DLC1: variants seen among roughly 807,000 people sequenced by gnomAD.
DLC1 encodes DLC1 Rho GTPase activating protein, also known as rho GTPase-activating protein 7.
In DLC1, 54 loss-of-function variants were observed where a neutral mutation model predicts 140.3. The ratio of observed to expected loss-of-function variants is 0.38; its 90% confidence interval spans 0.31 to 0.48. DLC1 has a LOEUF of 0.48. DLC1 is among the 20% of genes least tolerant of loss of function. The pLI, the probability that DLC1 is intolerant of heterozygous loss-of-function variation, is 0.96. For synonymous variants in DLC1, 986 were observed against 728.1 expected, an observed-to-expected ratio of 1.35 and a Z score of -5.70; for missense variants, 2,536 against 1,907.0, an observed-to-expected ratio of 1.33 and a Z score of -6.14.
At chr8:13,475,141 GAGATC>G (rs1800382240) in intron 2 of DLC1, among the ~76,000 whole-genome samples, 1 of 151,958 alleles carries the variant, frequency 6.6e-6, no homozygotes, top group African/African-American at 2.4e-5. Flanking sequence ...ATAAGCCAAA[GAGATC>G]AGATCATAAT....
chr8:13,454,252 G>A (rs1260953103), intron 2 of DLC1, among the ~76,000 whole-genome samples: 2 of 151,476 alleles, frequency 1.3e-5, no homozygotes, highest in Non-Finnish European at 1.5e-5. Flanking sequence ...AAAAAATCTT[G>A]TAAAGAAAAC....
chr8:13,324,819 G>A (rs1424601931), intron 4 of DLC1, among the ~76,000 whole-genome samples: 1 of 152,062 alleles, frequency 6.6e-6, no homozygotes, highest in African/African-American at 2.4e-5. Flanking sequence ...AAATGCAATT[G>A]TATTTTCCTT....
At chr8:13,493,615 CT>C (rs1801365692) in intron 2 of DLC1, among the ~76,000 whole-genome samples, 1 of 152,148 alleles carries the variant, frequency 6.6e-6, no homozygotes, top group South Asian at 2.1e-4. Context: ...TTATTGTTAA[CT>C]ATAGTTACAA....
chr8:13,547,024 T>C (rs1803675190), intron 1 of DLC1, among the ~76,000 whole-genome samples: 1 of 152,094 alleles, frequency 6.6e-6, no homozygotes, highest in African/African-American at 2.4e-5. Flanking sequence ...GATATAAAAT[T>C]CCTGAAAATA....
chr8:13,463,026 C>T (rs1030079069), intron 2 of DLC1, among the ~76,000 whole-genome samples: 4 of 152,216 alleles, frequency 2.6e-5, no homozygotes, highest in Admixed American at 2.6e-4. Flanking sequence ...CTGGCAATTT[C>T]AAACTGAAAT....
intron 2 of DLC1, among the ~76,000 whole-genome samples, chr8:13,421,599 T>G (rs1838323128): frequency 6.6e-6 from 1 of 152,164 alleles, no homozygotes; most frequent in South Asian, 2.1e-4. Context: ...GTAGACTGGT[T>G]CATTGTTTGT....
At chr8:13,573,432 C>T (rs575864673) in intron 1 of DLC1, among the ~76,000 whole-genome samples, 39 of 152,066 alleles carry the variant, frequency 2.6e-4, no homozygotes, top group Non-Finnish European at 5.1e-4. Flanking sequence ...TGTTCCTTTC[C>T]AATTTGAATG....
At chr8:13,253,647 T>G (rs1347227590) in intron 5 of DLC1, among the ~76,000 whole-genome samples, 1 of 152,176 alleles carries the variant, frequency 6.6e-6, no homozygotes, top group African/African-American at 2.4e-5. Flanking sequence ...TAACCGAAAA[T>G]AGCAATTGAA....
In DLC1 at chr8:13,259,834, A is replaced by T. The variant is rs546841683; in HGVS notation, c.1348+45435T>A. Reference sequence around the variant, plus strand: ...TGTTTAAGTGTATTCCTATCTACTTAGGTGAAGAAGGCTAAAATATGAAAT... The same window carrying T: ...TGTTTAAGTGTATTCCTATCTACTTTGGTGAAGAAGGCTAAAATATGAAAT... On this transcript the variant is annotated intron_variant, in intron 5 of 17. Transcript: ENST00000276297. Among the ~76,000 whole-genome samples, 4 of 152,190 alleles carry T rather than the reference A, an allele frequency of 2.6e-5. No homozygotes were observed. The South Asian group carries it at 8.3e-4, about 32-fold the overall frequency.
In DLC1 at chr8:13,108,467, G is replaced by A. The variant is rs577297027; in HGVS notation, c.1502+2275C>T. ...AAGATCTAGCAGCACAGACTTATTC[G>A]CTTCAGAGAAAGGTGGCTTCTCAAA... On this transcript the variant is annotated intron_variant, in intron 7 of 17. Transcript: ENST00000276297. Among the ~76,000 whole-genome samples, 8 of 152,260 alleles carry A rather than the reference G, an allele frequency of 5.3e-5. No homozygotes were observed. In the East Asian group the frequency reaches 9.7e-4, roughly 18 times the overall value.
At chr8:13,394,440 A>T (rs961719268) in intron 3 of DLC1, among the ~76,000 whole-genome samples, 1 of 152,200 alleles carries the variant, frequency 6.6e-6, no homozygotes, top group Admixed American at 6.5e-5. Context: ...TGTGAGGTCA[A>T]GACATGTCTG....
intron 4 of DLC1, among the ~76,000 whole-genome samples, chr8:13,319,738 T>C (rs1185903726): frequency 6.6e-6 from 1 of 151,850 alleles, no homozygotes; most frequent in Admixed American, 6.6e-5. Flanking sequence ...TATCGGGTAG[T>C]TCTTTATAAC....
chr8:13,540,305 T>C (rs990950666), intron 1 of DLC1, among the ~76,000 whole-genome samples: 1 of 152,226 alleles, frequency 6.6e-6, no homozygotes, highest in African/African-American at 2.4e-5. Flanking sequence ...CCAACTTTAG[T>C]AAAATACTGT....
chr8:13,476,123 T>G (rs1407853845), intron 2 of DLC1, among the ~76,000 whole-genome samples: 2 of 152,178 alleles, frequency 1.3e-5, no homozygotes, highest in African/African-American at 4.8e-5. Flanking sequence ...CAAAAAGCAT[T>G]TTACACTTTT....
rs571427492 is a variant in DLC1, at chr8:13,244,055, A to G, written c.1348+61214T>C. ...GCACCCAAGGTAGGAACCTGGTGTG[A>G]AGCTTGACTTCTCCCTTTCCTGTGC... On this transcript the variant is annotated intron_variant, in intron 5 of 17. Transcript: ENST00000276297. Among the ~76,000 whole-genome samples, 74 of 152,334 alleles carry G rather than the reference A, an allele frequency of 4.9e-4. No homozygotes were observed. The Middle Eastern group carries it at 0.014, about 28-fold the overall frequency.
intron 2 of DLC1, among the ~76,000 whole-genome samples, chr8:13,446,773 T>A (rs778693120): frequency 6.6e-6 from 1 of 152,120 alleles, no homozygotes; most frequent in Non-Finnish European, 1.5e-5. Flanking sequence ...AAACCCTGTC[T>A]CTATTAAAAA....
At chr8:13,482,656 A>G (rs936263023) in intron 2 of DLC1, among the ~76,000 whole-genome samples, 4 of 152,228 alleles carry the variant, frequency 2.6e-5, no homozygotes, top group African/African-American at 9.6e-5. Context: ...GATATTAGGT[A>G]GAACTTAAGA....
At chr8:13,602,946 G>C (rs1351401959) in intron 1 of DLC1, among the ~76,000 whole-genome samples, 5 of 151,782 alleles carry the variant, frequency 3.3e-5, no homozygotes, top group African/African-American at 1.2e-4. Context: ...GAATTTTTAA[G>C]GGAAAGGTCT....
At chr8:13,309,518 AAG>A (rs1832585176) in intron 4 of DLC1, among the ~76,000 whole-genome samples, 2 of 152,206 alleles carry the variant, frequency 1.3e-5, no homozygotes, top group Non-Finnish European at 2.9e-5. Flanking sequence ...TTTTTAGCAA[AAG>A]AGAAGTAAAC....
Sources: allele counts gnomAD v4.1 joint callset (sites outside exome capture counted in the v4.1 genomes callset), GRCh38; gene constraint gnomAD v4.1.1; transcripts MANE v1.5; gene names NCBI Gene and HGNC (gene_info 2026-07-23, HGNC 2026-07-21).